Variants in RPL7L1 observed in about 807,000 individuals in gnomAD.
The protein encoded by RPL7L1 is ribosomal protein L7 like 1.
In RPL7L1, 20 loss-of-function variants were observed where a neutral mutation model predicts 30.3. That is an observed-to-expected ratio of 0.66 (90% confidence interval 0.46 to 0.96). The LOEUF (loss-of-function observed/expected upper bound fraction) is 0.96. Ranked by LOEUF, RPL7L1 falls within the 40% of genes least tolerant of loss-of-function variation. The pLI is 0.00. For synonymous variants in RPL7L1, 107 were observed against 110.1 expected (o/e 0.97, Z 0.18); for missense variants, 271 against 314.9 (o/e 0.86, Z 1.05).
At chr6:42,884,863 G>A in intron 4 of RPL7L1, 113 bp downstream of exon 4, 1 of 1,055,624 alleles carries the variant, frequency 9.5e-7, no homozygotes, top group Non-Finnish European at 1.4e-6. Context: ...ATTTTGCTGT[G>A]ACCACAGTCA....
Position 42,879,845 on chromosome 6 carries a change from G to A in RPL7L1, c.-66G>A, listed in dbSNP as rs987143522. 7 of 1,561,722 alleles carry A rather than the reference G, an allele frequency of 4.5e-6. No homozygotes were observed. The Admixed American group carries it at 1.2e-4, about 26-fold the overall frequency. ...CTGACTGGTCCTCCAGCGTGAGCTA[G>A]AACAGACGTCTCTATGGTCAAGTAA... On this transcript the variant is annotated 5_prime_UTR_variant, in exon 1 of 6. Coordinates refer to ENST00000493763, the MANE Select transcript of RPL7L1 (RefSeq NM_001366481.3).
chr6:42,879,899 G>T lies in RPL7L1; in HGVS notation c.-12G>T, dbSNP rs373165282. On this transcript the variant is annotated 5_prime_UTR_variant, in exon 1 of 6. Transcript: ENST00000493763. ...GAGCGTGTGCTGTCTTCCCCATGTG[G>T]TGGGGTTGCGCATGATCAGTAGCTG... The T allele has an allele frequency of 1.3e-5, 21 of 1,613,682 alleles. No homozygotes were observed. Among genetic ancestry groups the T allele is most frequent in the Non-Finnish European group, 1.8e-5 (21 of 1,179,762 alleles).
Position 42,879,909 on chromosome 6 carries a change from G to A in RPL7L1, c.-2G>A, listed in dbSNP as rs752382031. On this transcript the variant is annotated 5_prime_UTR_variant, in exon 1 of 6. Coordinates refer to ENST00000493763, the MANE Select transcript of RPL7L1 (RefSeq NM_001366481.3). The stretch of plus-strand genomic sequence containing the variant: ...TGTCTTCCCCATGTGGTGGGGTTGC[G>A]CATGATCAGTAGCTGCACCACTAGA... 5.0e-6 allele frequency: 8 copies of A among 1,613,864 alleles called. No homozygotes were observed. Among genetic ancestry groups the A allele is most frequent in the Middle Eastern group, 3.3e-4 (2 of 5,976 alleles).
Position 42,886,266 on chromosome 6 carries a change from C to T in RPL7L1, c.570C>T (p.Gly190=), listed in dbSNP as rs565680487. ...TVIEEHLGKF[G]VICLEDLIHE... is the part of the protein sequence containing the mutation. Reference sequence around the variant, plus strand: ...TTTTGTGTTTCTTAGGGAAGTTTGGCGTCATTTGCTTGGAAGACCTCATTC... The same window carrying T: ...TTTTGTGTTTCTTAGGGAAGTTTGGTGTCATTTGCTTGGAAGACCTCATTC... The change falls in exon 6 of 6, where the codon GGC becomes GGT. Residue 190 remains glycine, a synonymous_variant. Transcript: ENST00000493763. 4.4e-4 allele frequency: 708 copies of T among 1,610,276 alleles called. 9 individuals carry two copies. In the South Asian group the frequency reaches 7.4e-3, roughly 17 times the overall value.
chr6:42,880,996 T>C, intron 2 of RPL7L1, 30 bp downstream of exon 2: 1 of 1,178,116 alleles, frequency 8.5e-7, no homozygotes, highest in Non-Finnish European at 1.3e-6. Context: ...AGAAAGTAAT[T>C]AGAATTTTTA....
intron 4 of RPL7L1, 139 bp downstream of exon 4, chr6:42,884,889 G>A (rs1324252698): frequency 3.3e-5 from 26 of 780,134 alleles, no homozygotes; most frequent in Non-Finnish European, 5.4e-5. Context: ...AAATCAGTGG[G>A]TAGCTGTAAT....
rs546862778 is a variant in RPL7L1, at chr6:42,886,519, G to A, written c.*55G>A. On this transcript the variant is annotated 3_prime_UTR_variant, in exon 6 of 6. Transcript: ENST00000493763. ...CTTGGGCTGACTTTTGATAGGCCATGCCTTGCCACTTTACAAGTTCTTTTT... is the reference window on the plus strand; with the variant it reads ...CTTGGGCTGACTTTTGATAGGCCATACCTTGCCACTTTACAAGTTCTTTTT... 3.4e-5 allele frequency: 27 copies of A among 801,140 alleles called. No individual in the cohort carries two copies. The African/African-American group carries it at 4.1e-4, about 12-fold the overall frequency. 49.6% of individuals were successfully genotyped at this position (801,140 alleles called of 1,614,324 possible).
At chr6:42,883,647 G>A in intron 3 of RPL7L1, 33 bp downstream of exon 3, 10 of 1,538,256 alleles carry the variant, frequency 6.5e-6, no homozygotes, top group Non-Finnish European at 7.9e-6. Context: ...ATTGCATGAG[G>A]CTGGGGCAAA....
At chr6:42,884,564 G>A (rs759616405) in intron 3 of RPL7L1, 49 bp from the exon 4 acceptor site, 1 of 1,584,664 alleles carries the variant, frequency 6.3e-7, no homozygotes, top group South Asian at 1.1e-5. Context: ...TTGCTGGACT[G>A]ACATAAACTG....
rs1766260795 is a variant in RPL7L1, at chr6:42,886,239, G to A, written c.560-17G>A. The A allele has an allele frequency of 8.1e-6, 13 of 1,603,128 alleles. No homozygotes were observed. Among genetic ancestry groups the A allele is most frequent in the Non-Finnish European group, 1.1e-5 (13 of 1,171,744 alleles). The stretch of plus-strand genomic sequence containing the variant: ...ATACATGTTAAATAAAGGAATCTGT[G>A]CTTTTGTGTTTCTTAGGGAAGTTTG... On this transcript the variant is annotated splice_polypyrimidine_tract_variant and intron_variant, in intron 5 of 5. Coordinates refer to ENST00000493763, the MANE Select transcript of RPL7L1 (RefSeq NM_001366481.3).
At chr6:42,880,320 C>T (rs1194235667) in intron 1 of RPL7L1, among the ~76,000 whole-genome samples, 1 of 152,130 alleles carries the variant, frequency 6.6e-6, no homozygotes, top group East Asian at 1.9e-4. Context: ...TATACGAACC[C>T]AGAGGCTAAA....
At position 42,889,814 on chromosome 6, in the gene RPL7L1, A is replaced by G. The variant is rs1766406183; in HGVS notation, c.*3350A>G. The G allele has an allele frequency of 1.3e-5, 2 of 152,394 alleles. No individual in the cohort carries two copies. The highest frequency in any genetic ancestry group is 3.4e-3 in the Middle Eastern group (1 of 292). The allele number at this position is 152,394 out of a possible 1,614,324, so 9.4% of individuals were successfully genotyped here. Reference sequence around the variant, plus strand: ...GTAAATAAAAGGGACTAAGTTGACGAAAAATAAATTTTAAAAAACCTAATA... The same window carrying G: ...GTAAATAAAAGGGACTAAGTTGACGGAAAATAAATTTTAAAAAACCTAATA... On this transcript the variant is annotated 3_prime_UTR_variant, in exon 6 of 6. Coordinates refer to ENST00000493763, the MANE Select transcript of RPL7L1 (RefSeq NM_001366481.3).
intron 3 of RPL7L1, chr6:42,883,879 A>C: frequency 4.6e-6 from 1 of 217,590 alleles, no homozygotes; most frequent in Non-Finnish European, 9.1e-6. Flanking sequence ...TGAGACCTGA[A>C]AGATGTGAAA....
intron 1 of RPL7L1, among the ~76,000 whole-genome samples, chr6:42,880,363 G>A (rs1766027769): frequency 6.6e-6 from 1 of 152,194 alleles, no homozygotes; most frequent in Non-Finnish European, 1.5e-5. Flanking sequence ...TTGGGGATGA[G>A]TGACTATTAG....
rs573573849 is a variant in RPL7L1 at position 42,881,036 on chromosome 6, A to G, written c.147+70A>G. The stretch of plus-strand genomic sequence containing the variant: ...GTGAGTTTTATCCCGCATGTGTTGG[A>G]CTACATTTGGTATTGACGAGCTCCC... On this transcript the variant is annotated intron_variant, in intron 2 of 5. Transcript: ENST00000493763. 5.8e-5 allele frequency: 49 copies of G among 848,908 alleles called. No homozygotes were observed. The South Asian group carries it at 6.5e-4, about 11-fold the overall frequency. The allele number at this position is 848,908 out of a possible 1,614,324, so 52.6% of individuals were successfully genotyped here.
intron 2 of RPL7L1, 72 bp downstream of exon 2, chr6:42,881,038 T>C: frequency 1.2e-6 from 1 of 829,342 alleles, no homozygotes; most frequent in South Asian, 1.4e-5. Flanking sequence ...TGTGTTGGAC[T>C]ACATTTGGTA....
chr6:42,879,944 G>A lies in RPL7L1; in HGVS notation c.34G>A (p.Glu12Lys). 1 of 1,614,126 alleles carries A rather than the reference G, an allele frequency of 6.2e-7. No homozygotes were observed. The highest frequency in any genetic ancestry group is 8.5e-7 in the Non-Finnish European group (1 of 1,179,970). The change falls in exon 1 of 6, where the codon GAG (glutamate) becomes AAG (lysine). Residue 12 changes from glutamate (E) to lysine (K), a missense_variant. By Grantham distance (56) the Glu-to-Lys change is moderately conservative (BLOSUM62 1). Transcript: ENST00000493763. ...ISSCTTRKMA[E>K]QEQRKIPLVP... is the part of the protein sequence containing the mutation. Reference sequence around the variant, plus strand: ...TAGCTGCACCACTAGAAAGATGGCGGAGCAAGAGTGAGTGTTTGGGGCTTT... The same window carrying A: ...TAGCTGCACCACTAGAAAGATGGCGAAGCAAGAGTGAGTGTTTGGGGCTTT...
rs1420476416 is a variant in RPL7L1, at chr6:42,887,019, T to C, written c.*555T>C. 2 of 150,004 alleles carry C rather than the reference T, an allele frequency of 1.3e-5. No homozygotes were observed. Among genetic ancestry groups the C allele is most frequent in the Admixed American group, 6.7e-5 (1 of 15,016 alleles). The allele number at this position is 150,004 out of a possible 1,614,324, so 9.3% of individuals were successfully genotyped here. ...GAAAAAAAAAAAAAAAAACTATTGC[T>C]GCAGTCATTCAGATGGAAATGAGGA... On this transcript the variant is annotated 3_prime_UTR_variant, in exon 6 of 6. Coordinates refer to ENST00000493763, the MANE Select transcript of RPL7L1 (RefSeq NM_001366481.3).
At chr6:42,884,946 G>A (rs555369322) in intron 4 of RPL7L1, among the ~76,000 whole-genome samples, 196 bp downstream of exon 4, 1 of 152,284 alleles carries the variant, frequency 6.6e-6, no homozygotes, top group South Asian at 2.1e-4. Context: ...TACCATAGTA[G>A]GGCTGGTTCA....
Sources: gnomAD v4.1 joint callset for allele counts (sites outside exome capture counted in the v4.1 genomes callset) on GRCh38, gnomAD v4.1.1 for gene constraint, MANE v1.5 for transcripts, NCBI Gene and HGNC (gene_info 2026-07-23, HGNC 2026-07-21) for gene names.